PPP1R9A: variants seen among roughly 807,000 people sequenced by gnomAD.
The protein encoded by PPP1R9A is protein phosphatase 1 regulatory subunit 9A, also known as neurabin-1.
A neutral mutation model predicts 141.9 loss-of-function variants in PPP1R9A; 59 were observed. The observed-to-expected ratio is 0.42, with a 90% CI of 0.34 to 0.52. The LOEUF is 0.52. Ranked by LOEUF, PPP1R9A falls within the 20% of genes least tolerant of loss-of-function variation. The pLI is 0.10. For missense variants in PPP1R9A, 1,444 were observed against 1,611.9 expected (o/e 0.90, Z 1.78); for synonymous variants, 500 against 569.7 (o/e 0.88, Z 1.74).
chr7:95,138,289 A>C (rs1470590503), intron 4 of PPP1R9A, among the ~76,000 whole-genome samples: 1 of 152,222 alleles, frequency 6.6e-6, no homozygotes, highest in Non-Finnish European at 1.5e-5. Context: ...TAGCCTTTTC[A>C]GCAAAGTGCT....
In PPP1R9A at chr7:95,291,275, C is replaced by T. The variant is rs1017643663; in HGVS notation, c.*972C>T. ...GCTGGTCTTCAGCCTGCCTATGTCACAATCAGGAACTCATCACATATTTTC... is the reference window on the plus strand; with the variant it reads ...GCTGGTCTTCAGCCTGCCTATGTCATAATCAGGAACTCATCACATATTTTC... On this transcript the variant is annotated 3_prime_UTR_variant, in exon 20 of 20. Coordinates refer to ENST00000433360, the MANE Select transcript of PPP1R9A (RefSeq NM_001166160.2). 6.6e-6 allele frequency: 1 copy of T among 152,174 alleles called. No individual in the cohort carries two copies. Among genetic ancestry groups the T allele is most frequent in the Non-Finnish European group, 1.5e-5 (1 of 68,032 alleles). The allele number at this position is 152,174 out of a possible 1,614,324, so 9.4% of individuals were successfully genotyped here. A position where few individuals can be genotyped will look rare whatever the true frequency, so the allele number is the denominator to read the frequency against.
In PPP1R9A at chr7:95,274,175, T is replaced by C; in HGVS notation, c.3296+7T>C. 1 of 1,544,210 alleles carries C rather than the reference T, an allele frequency of 6.5e-7. No homozygotes were observed. The highest frequency in any genetic ancestry group is 8.8e-7 in the Non-Finnish European group (1 of 1,141,224). On this transcript the variant is annotated splice_region_variant and intron_variant, in intron 16 of 19. Coordinates refer to ENST00000433360, the MANE Select transcript of PPP1R9A (RefSeq NM_001166160.2). ...GGTTTTCTGCAGGTAGCAGGTACGG[T>C]TGTGTGATTAAGAACACGTGTATTT...
chr7:95,113,237 C>A (rs547780440), intron 3 of PPP1R9A, among the ~76,000 whole-genome samples: 1 of 151,794 alleles, frequency 6.6e-6, no homozygotes, highest in African/African-American at 2.4e-5. Flanking sequence ...AAAAAGAATT[C>A]TCAAATGACA....
rs1806470656 is a variant in PPP1R9A, at chr7:95,292,240, A to G, written c.*1937A>G. 1 of 152,538 alleles carries G rather than the reference A, an allele frequency of 6.6e-6. No homozygotes were observed. The highest frequency in any genetic ancestry group is 6.5e-5 in the Admixed American group (1 of 15,276). 9.4% of individuals were successfully genotyped at this position (152,538 alleles called of 1,614,324 possible). Reference sequence around the variant, plus strand: ...TGCTTTGTTATTTTTTCACATCATGAGAAATAAGAAGCCACTATTAATGAG... The same window carrying G: ...TGCTTTGTTATTTTTTCACATCATGGGAAATAAGAAGCCACTATTAATGAG... On this transcript the variant is annotated 3_prime_UTR_variant, in exon 20 of 20. Transcript: ENST00000433360.
At chr7:94,929,560 T>C (rs1404536058) in intron 2 of PPP1R9A, among the ~76,000 whole-genome samples, 3 of 152,184 alleles carry the variant, frequency 2.0e-5, no homozygotes, top group East Asian at 1.9e-4. Context: ...TGGTAAGGCA[T>C]GTACCACAAA....
chr7:94,978,744 G>A (rs575192488), intron 2 of PPP1R9A, among the ~76,000 whole-genome samples: 5 of 152,082 alleles, frequency 3.3e-5, no homozygotes, highest in African/African-American at 4.8e-5. Flanking sequence ...TTATTTTCCA[G>A]AATCCATTTA....
chr7:95,138,209 G>T (rs756259278), intron 4 of PPP1R9A, among the ~76,000 whole-genome samples: 48 of 152,134 alleles, frequency 3.2e-4, no homozygotes, highest in Non-Finnish European at 4.9e-4. Flanking sequence ...TGGGATTACA[G>T]GCATGAGCCA....
chr7:95,286,222 A>G lies in PPP1R9A; in HGVS notation c.3626A>G (p.Asp1209Gly). 1.9e-6 allele frequency: 3 copies of G among 1,613,372 alleles called. No individual in the cohort carries two copies. Among genetic ancestry groups the G allele is most frequent in the South Asian group, 2.2e-5 (2 of 91,068 alleles). Reference sequence around the variant, plus strand: ...TTTTTACAGAATTTTACCTTCAATGATGACTTCAGTCCCAGCAGTACCAGT... The same window carrying G: ...TTTTTACAGAATTTTACCTTCAATGGTGACTTCAGTCCCAGCAGTACCAGT... ...IQETNNFTFN[D>G]DFSPSSTSSA... The change falls in exon 18 of 20, where the codon GAT (aspartate) becomes GGT (glycine). Residue 1209 changes from aspartate to glycine, a missense_variant. Asp to Gly is a moderately conservative substitution (Grantham distance 94). Transcript: ENST00000433360.
chr7:94,915,350 A>G (rs1160135900), intron 2 of PPP1R9A, among the ~76,000 whole-genome samples: 1 of 152,312 alleles, frequency 6.6e-6, no homozygotes, highest in Admixed American at 6.5e-5. Flanking sequence ...GTTGAGATCC[A>G]ACTTTTTGTC....
Position 95,223,892 on chromosome 7 carries a change from A to C in PPP1R9A, c.1957-2069A>C, listed in dbSNP as rs899172985. Reference sequence around the variant, plus strand: ...TCAGCAAGGTATCTTGAGATTATTTACTTGCCAGTCTTGCTGCATTCCTAT... The same window carrying C: ...TCAGCAAGGTATCTTGAGATTATTTCCTTGCCAGTCTTGCTGCATTCCTAT... On this transcript the variant is annotated intron_variant, in intron 7 of 19. Coordinates refer to ENST00000433360, the MANE Select transcript of PPP1R9A (RefSeq NM_001166160.2). Among the ~76,000 whole-genome samples, 6 of 152,142 alleles carry C rather than the reference A, an allele frequency of 3.9e-5. No individual in the cohort carries two copies. The East Asian group carries it at 1.2e-3, about 29-fold the overall frequency.
chr7:95,176,903 C>T (rs1176836482), intron 5 of PPP1R9A, among the ~76,000 whole-genome samples: 1 of 152,092 alleles, frequency 6.6e-6, no homozygotes, highest in African/African-American at 2.4e-5. Context: ...AATCAGCGTT[C>T]CTGAGGAAGA....
chr7:95,014,279 C>A (rs1563121172), intron 2 of PPP1R9A, among the ~76,000 whole-genome samples: 1 of 151,952 alleles, frequency 6.6e-6, no homozygotes, highest in Non-Finnish European at 1.5e-5. Context: ...ATCATGTCTC[C>A]CTTAATTTGG....
intron 4 of PPP1R9A, among the ~76,000 whole-genome samples, chr7:95,150,372 G>A (rs1207119438): frequency 3.9e-5 from 6 of 152,066 alleles, no homozygotes; most frequent in African/African-American, 1.2e-4. Context: ...GCACAATCTC[G>A]GCTCACTGCA....
chr7:95,191,397 A>G (rs1246575099), intron 5 of PPP1R9A, among the ~76,000 whole-genome samples: 2 of 152,198 alleles, frequency 1.3e-5, no homozygotes, highest in Non-Finnish European at 2.9e-5. Context: ...GTTTTGATTT[A>G]TAATGTATAG....
chr7:95,265,896 G>A (rs1197201307), intron 12 of PPP1R9A, among the ~76,000 whole-genome samples: 1 of 152,066 alleles, frequency 6.6e-6, no homozygotes, highest in Non-Finnish European at 1.5e-5. Context: ...ATCATAAATA[G>A]ATATAATTTT....
chr7:95,008,026 T>C (rs1484659044), intron 2 of PPP1R9A, among the ~76,000 whole-genome samples: 2 of 152,144 alleles, frequency 1.3e-5, no homozygotes, highest in Non-Finnish European at 2.9e-5. Flanking sequence ...GAGCTGAGAT[T>C]ATGCCATTGC....
intron 2 of PPP1R9A, among the ~76,000 whole-genome samples, chr7:94,983,810 A>C (rs899614012): frequency 6.6e-6 from 1 of 152,182 alleles, no homozygotes; most frequent in African/African-American, 2.4e-5. Context: ...TTCCTAATCG[A>C]ATACCTTTTA....
At chr7:94,968,749 C>G (rs1461724085) in intron 2 of PPP1R9A, among the ~76,000 whole-genome samples, 4 of 152,052 alleles carry the variant, frequency 2.6e-5, no homozygotes, top group African/African-American at 7.2e-5. Context: ...CAGCTTGGTT[C>G]CATTCTCCCT....
chr7:95,207,721 A>C (rs1791144709), intron 7 of PPP1R9A, among the ~76,000 whole-genome samples: 1 of 152,192 alleles, frequency 6.6e-6, no homozygotes, highest in Non-Finnish European at 1.5e-5. Flanking sequence ...TATTTAAAAA[A>C]TCTCAAAAAG....
Sources: allele counts gnomAD v4.1 joint callset (sites outside exome capture counted in the v4.1 genomes callset), GRCh38; gene constraint gnomAD v4.1.1; transcripts MANE v1.5; gene names NCBI Gene and HGNC (gene_info 2026-07-23, HGNC 2026-07-21).